The following JARID2 variants were observed in gnomAD, a reference collection of about 807,000 sequenced individuals.
The protein encoded by JARID2 is protein Jumonji.
Under a neutral mutation model 125.6 loss-of-function variants are expected in JARID2, and 21 were observed. The ratio of observed to expected loss-of-function variants is 0.17; its 90% CI spans 0.12 to 0.24. JARID2 has a LOEUF of 0.24. JARID2 is among the 10% of genes least tolerant of loss of function. The pLI is 1.00. For synonymous variants in JARID2, 736 were observed against 661.6 expected (o/e 1.11, Z -1.73); for missense variants, 1,303 against 1,639.6 (o/e 0.79, Z 3.55).
chr6:15,508,938 G>C, intron 12 of JARID2: 2 of 1,286,652 alleles, frequency 1.6e-6, no homozygotes, highest in South Asian at 1.2e-5. Context: ...TATAAACCGT[G>C]GTATTTCATG....
At chr6:15,254,110 A>G (rs1401206614) in intron 1 of JARID2, among the ~76,000 whole-genome samples, 4 of 152,114 alleles carry the variant, frequency 2.6e-5, no homozygotes, top group Admixed American at 1.3e-4. Flanking sequence ...GCATGTTTGT[A>G]TTTGTTGTTT....
intron 3 of JARID2, among the ~76,000 whole-genome samples, chr6:15,415,918 C>T (rs1240836493): frequency 6.6e-6 from 1 of 151,970 alleles, no homozygotes; most frequent in Non-Finnish European, 1.5e-5. Context: ...AGAGACGCTC[C>T]TCACTTCCCA....
Position 15,496,872 on chromosome 6 carries a change from C to T in JARID2, c.1647C>T (p.Ala549=), listed in dbSNP as rs138507849. 1.3e-5 allele frequency: 21 copies of T among 1,600,810 alleles called. No homozygotes were observed. Among genetic ancestry groups the T allele is most frequent in the South Asian group, 1.2e-4 (11 of 89,576 alleles). Residue 549 remains alanine, a synonymous_variant, in exon 7 of 18, where the codon GCC becomes GCT. Coordinates refer to ENST00000341776, the MANE Select transcript of JARID2 (RefSeq NM_004973.4). The stretch of plus-strand genomic sequence containing the variant: ...AGGCCGAGAAGGGCGGCGGCAAGGC[C>T]GGGTGGGCGGCCATGGACGAGATCC... The part of the protein sequence containing the change: ...SGKAEKGGGK[A]GWAAMDEIPV...
chr6:15,336,607 C>A (rs964759362), intron 1 of JARID2, among the ~76,000 whole-genome samples: 3 of 150,434 alleles, frequency 2.0e-5, no homozygotes, highest in Admixed American at 6.6e-5. Flanking sequence ...ATACCCCCTT[C>A]AGTGTTCTAA....
intron 1 of JARID2, chr6:15,248,078 T>C: frequency 7.1e-6 from 7 of 985,264 alleles, no homozygotes; most frequent in African/African-American, 1.7e-5. Context: ...TCTTTCTTAT[T>C]GCGGGCGTTC....
chr6:15,494,443 GTC>G lies in JARID2; in HGVS notation c.907-1686_907-1685del, dbSNP rs537842381. 1.4e-3 allele frequency among the ~76,000 whole-genome samples: 98 copies of G among 67,692 alleles called. 1 individual carries two copies. In the East Asian group the frequency reaches 0.036, roughly 25 times the overall value. 44.4% of individuals were successfully genotyped at this position (67,692 alleles called of 152,430 possible). ...TTTTTTTTTTTTTTTTGAGACAAGA[GTC>G]TCGCCCAGGCTGGAGTGCAGTGGCA... On this transcript the variant is annotated intron_variant, in intron 6 of 17. Coordinates refer to ENST00000341776, the MANE Select transcript of JARID2 (RefSeq NM_004973.4).
At chr6:15,322,061 A>G (rs541698115) in intron 1 of JARID2, among the ~76,000 whole-genome samples, 96 of 152,232 alleles carry the variant, frequency 6.3e-4, no homozygotes, top group African/African-American at 2.2e-3. Context: ...CTGTAATTAC[A>G]GGCATGAGCT....
intron 3 of JARID2, among the ~76,000 whole-genome samples, chr6:15,434,573 C>G (rs1244386206): frequency 1.3e-5 from 2 of 152,152 alleles, no homozygotes; most frequent in African/African-American, 4.8e-5. Context: ...TGAACCCATT[C>G]ATTTATCCAA....
At chr6:15,386,385 C>G (rs1443452734) in intron 2 of JARID2, among the ~76,000 whole-genome samples, 2 of 152,088 alleles carry the variant, frequency 1.3e-5, no homozygotes, top group African/African-American at 2.4e-5. Flanking sequence ...CTTGTTGTGA[C>G]AAGTGTACAC....
At chr6:15,380,746 C>T (rs1029057193) in intron 2 of JARID2, among the ~76,000 whole-genome samples, 1 of 152,028 alleles carries the variant, frequency 6.6e-6, no homozygotes, top group Non-Finnish European at 1.5e-5. Flanking sequence ...TCCAAAGATT[C>T]TTGATGTGTG....
chr6:15,459,414 A>G (rs1181329359), intron 4 of JARID2, among the ~76,000 whole-genome samples: 1 of 152,234 alleles, frequency 6.6e-6, no homozygotes, highest in African/African-American at 2.4e-5. Context: ...TGTTTAGAGA[A>G]TAATTACAAG....
At chr6:15,377,111 A>T (rs1038274216) in intron 2 of JARID2, among the ~76,000 whole-genome samples, 1 of 152,192 alleles carries the variant, frequency 6.6e-6, no homozygotes, top group Non-Finnish European at 1.5e-5. Flanking sequence ...TGTCAAATGA[A>T]ATCAGAAGAT....
chr6:15,276,326 C>G (rs533240225), intron 1 of JARID2, among the ~76,000 whole-genome samples: 2 of 152,320 alleles, frequency 1.3e-5, no homozygotes, highest in Non-Finnish European at 2.9e-5. Flanking sequence ...CTTAAGCATT[C>G]TACATGGCGT....
chr6:15,411,716 T>C (rs537376295), intron 3 of JARID2, among the ~76,000 whole-genome samples: 1 of 152,228 alleles, frequency 6.6e-6, no homozygotes, highest in Non-Finnish European at 1.5e-5. Flanking sequence ...TGTGATAATA[T>C]TATCCATGCC....
In JARID2 at chr6:15,381,780, T is replaced by C. The variant is rs542219282; in HGVS notation, c.181+7528T>C. On this transcript the variant is annotated intron_variant, in intron 2 of 17. Transcript: ENST00000341776. ...AAAACTGAGATCAAGTTGCTTACTT[T>C]GGTCAAGTCCTAATACCTTATTTCA... Among the ~76,000 whole-genome samples the C allele has an allele frequency of 6.6e-5, 10 of 152,350 alleles. No individual in the cohort carries two copies. In the South Asian group the frequency reaches 1.0e-3, roughly 16 times the overall value.
intron 3 of JARID2, among the ~76,000 whole-genome samples, chr6:15,416,370 C>T (rs1054961077): frequency 1.3e-5 from 2 of 152,172 alleles, no homozygotes; most frequent in African/African-American, 4.8e-5. Flanking sequence ...GAGCCGAGAT[C>T]ACGCCACTGC....
At chr6:15,358,681 C>T (rs1303494583) in intron 1 of JARID2, among the ~76,000 whole-genome samples, 1 of 152,200 alleles carries the variant, frequency 6.6e-6, no homozygotes, top group Non-Finnish European at 1.5e-5. Flanking sequence ...TCAAGAAAAA[C>T]ATGTATCAAG....
chr6:15,288,821 C>A lies in JARID2; in HGVS notation c.45+42237C>A, dbSNP rs1024924993. Among the ~76,000 whole-genome samples the A allele has an allele frequency of 2.0e-5, 3 of 152,198 alleles. No individual in the cohort carries two copies. In the South Asian group the frequency reaches 6.2e-4, roughly 32 times the overall value. On this transcript the variant is annotated intron_variant, in intron 1 of 17. Coordinates refer to ENST00000341776, the MANE Select transcript of JARID2 (RefSeq NM_004973.4). ...GATCTTATTGTAGGGCATAACTAGG[C>A]CCTGTGGGGTTACAATGGTGAATCT...
intron 1 of JARID2, among the ~76,000 whole-genome samples, chr6:15,348,264 A>T (rs1332875164): frequency 6.6e-6 from 1 of 151,642 alleles, no homozygotes; most frequent in Non-Finnish European, 1.5e-5. Context: ...GCTAATTTTT[A>T]TATTTTTAGT....
Sources: allele counts gnomAD v4.1 joint callset (sites outside exome capture counted in the v4.1 genomes callset), GRCh38; gene constraint gnomAD v4.1.1; transcripts MANE v1.5; gene names NCBI Gene and HGNC (gene_info 2026-07-23, HGNC 2026-07-21).